PCSK2: variants seen among roughly 807,000 people sequenced by gnomAD.
PCSK2 encodes the protein neuroendocrine convertase 2.
Under a neutral mutation model 69.7 loss-of-function variants are expected in PCSK2, and 14 were observed. That is an observed-to-expected ratio of 0.20 (90% CI 0.13 to 0.31). The LOEUF (loss-of-function observed/expected upper bound fraction) is 0.31, where lower values mean the gene tolerates loss of function less well. Among genes scored for constraint, PCSK2 ranks in the 10% least tolerant of loss-of-function variants. The pLI, the probability that PCSK2 is intolerant of heterozygous loss-of-function variation, is 1.00. For synonymous variants in PCSK2, 307 were observed against 320.7 expected (o/e 0.96, Z 0.46); for missense variants, 544 against 842.5 (o/e 0.65, Z 4.39).
chr20:17,401,472 ACCT>A (rs1423172308), intron 5 of PCSK2, among the ~76,000 whole-genome samples: 4 of 151,934 alleles, frequency 2.6e-5, no homozygotes, highest in African/African-American at 9.7e-5. Flanking sequence ...TGACCTAATT[ACCT>A]CCCAAGGACC....
At chr20:17,436,659 G>A (rs775448413) in intron 7 of PCSK2, 49 bp from the exon 8 acceptor site, 1 of 1,542,510 alleles carries the variant, frequency 6.5e-7, no homozygotes, top group Admixed American at 1.8e-5. Context: ...CTTGTCTCCT[G>A]CGAACTGGGG....
Position 17,367,364 on chromosome 20 carries a change from G to T in PCSK2, c.506-1876G>T, listed in dbSNP as rs146260577. ...TTACTATAAGCTGAAGACTTTCAAT[G>T]AATTGTCTCTAATCTTGAAAACCGC... is the stretch of plus-strand genomic sequence containing the variant. On this transcript the variant is annotated intron_variant, in intron 4 of 11. Transcript: ENST00000262545. Among the ~76,000 whole-genome samples the T allele has an allele frequency of 8.3e-3, 1,268 of 152,322 alleles. 7 individuals carry two copies. The highest frequency in any genetic ancestry group is 0.031 in the Middle Eastern group (9 of 294).
In PCSK2 at chr20:17,475,152, C is replaced by T. The variant is rs185620001; in HGVS notation, c.1431-6432C>T. On this transcript the variant is annotated intron_variant, in intron 11 of 11. Coordinates refer to ENST00000262545, the MANE Select transcript of PCSK2 (RefSeq NM_002594.5). Reference sequence around the variant, plus strand: ...GGTATGTGCATGTGGCCTGACCCACCGGGGGCTTTGGAGCATCAACGCCAC... The same window carrying T: ...GGTATGTGCATGTGGCCTGACCCACTGGGGGCTTTGGAGCATCAACGCCAC... Among the ~76,000 whole-genome samples, 6 of 151,644 alleles carry T rather than the reference C, an allele frequency of 4.0e-5. No homozygotes were observed. In the East Asian group the frequency reaches 9.7e-4, roughly 25 times the overall value.
chr20:17,323,124 C>G (rs1330282335), intron 2 of PCSK2, among the ~76,000 whole-genome samples: 1 of 152,186 alleles, frequency 6.6e-6, no homozygotes, highest in African/African-American at 2.4e-5. Flanking sequence ...CTCAGCCTTC[C>G]AAAATGCTGG....
intron 1 of PCSK2, among the ~76,000 whole-genome samples, chr20:17,259,158 G>A (rs1987284625): frequency 6.6e-6 from 1 of 151,952 alleles, no homozygotes; most frequent in Non-Finnish European, 1.5e-5. Flanking sequence ...ACACTGGATG[G>A]CAACACACAC....
At chr20:17,333,910 CATATATATATATAT>C (rs3076241) in intron 2 of PCSK2, among the ~76,000 whole-genome samples, 35 of 86,420 alleles carry the variant, frequency 4.0e-4, no homozygotes, top group East Asian at 1.3e-3. Flanking sequence ...TAAGTCACTG[CATATATATATATAT>C]ATATATATAT....
At chr20:17,471,061 C>T (rs548473081) in intron 11 of PCSK2, among the ~76,000 whole-genome samples, 66 of 152,246 alleles carry the variant, frequency 4.3e-4, no homozygotes, top group African/African-American at 1.6e-3. Context: ...ACAAGCCAGA[C>T]GGACTTCTAA....
At chr20:17,398,458 A>C (rs1288865916) in intron 5 of PCSK2, among the ~76,000 whole-genome samples, 1 of 136,468 alleles carries the variant, frequency 7.3e-6, no homozygotes, top group East Asian at 2.1e-4. Flanking sequence ...CAGGAGTTGG[A>C]GGCTGCAGTG....
chr20:17,425,882 C>T (rs995721204), intron 6 of PCSK2, among the ~76,000 whole-genome samples: 2 of 152,142 alleles, frequency 1.3e-5, no homozygotes, highest in African/African-American at 4.8e-5. Context: ...AGCATTTACC[C>T]ATCTGCTCAC....
chr20:17,347,841 A>AG (rs1568612071), intron 2 of PCSK2, among the ~76,000 whole-genome samples: 1 of 140,630 alleles, frequency 7.1e-6, no homozygotes, highest in Admixed American at 7.3e-5. Context: ...AGAAAGAAAG[A>AG]AAGAAAGAAA....
chr20:17,374,547 T>G (rs1461574005), intron 5 of PCSK2, among the ~76,000 whole-genome samples: 1 of 152,112 alleles, frequency 6.6e-6, no homozygotes, highest in African/African-American at 2.4e-5. Flanking sequence ...TGTGCTGGGT[T>G]TTCTCAGAAG....
chr20:17,228,621 T>TG (rs1230119228), intron 1 of PCSK2, among the ~76,000 whole-genome samples: 25 of 151,982 alleles, frequency 1.6e-4, no homozygotes, highest in Middle Eastern at 3.2e-3. Flanking sequence ...AGATGAGCGG[T>TG]GGGTGCTTTT....
intron 2 of PCSK2, among the ~76,000 whole-genome samples, chr20:17,276,568 G>A (rs563949440): frequency 2.6e-4 from 39 of 152,014 alleles, no homozygotes; most frequent in South Asian, 2.1e-3. Context: ...ATTATTGTGA[G>A]TCCTTAAGTA....
chr20:17,365,948 T>C (rs1276409300), intron 4 of PCSK2, among the ~76,000 whole-genome samples: 1 of 152,154 alleles, frequency 6.6e-6, no homozygotes, highest in Admixed American at 6.5e-5. Context: ...GTCTCATGCC[T>C]GCCATTCTCC....
chr20:17,456,696 C>T (rs780059554), intron 10 of PCSK2, among the ~76,000 whole-genome samples: 6 of 152,218 alleles, frequency 3.9e-5, no homozygotes, highest in African/African-American at 1.4e-4. Flanking sequence ...CCCAGCAGCA[C>T]GTATTAGCAA....
chr20:17,391,271 C>T (rs902308052), intron 5 of PCSK2, among the ~76,000 whole-genome samples: 2 of 152,150 alleles, frequency 1.3e-5, no homozygotes, highest in African/African-American at 4.8e-5. Flanking sequence ...TGAGAGAATG[C>T]TGAAATATTC....
At chr20:17,376,014 T>C (rs2030915021) in intron 5 of PCSK2, among the ~76,000 whole-genome samples, 1 of 152,210 alleles carries the variant, frequency 6.6e-6, no homozygotes, top group African/African-American at 2.4e-5. Flanking sequence ...AGCCTAGGCC[T>C]TAAGAGGCCT....
intron 5 of PCSK2, among the ~76,000 whole-genome samples, chr20:17,389,284 C>T (rs531368693): frequency 3.2e-4 from 48 of 152,206 alleles, no homozygotes; most frequent in African/African-American, 1.1e-3. Flanking sequence ...ACTGCTGGAC[C>T]TGGATGTGCT....
rs778203328 is a variant in PCSK2 at position 17,482,071 on chromosome 20, C to G, written c.*1C>G. 1 of 1,559,604 alleles carries G rather than the reference C, an allele frequency of 6.4e-7. No homozygotes were observed. Among genetic ancestry groups the G allele is most frequent in the South Asian group, 1.2e-5 (1 of 82,214 alleles). On this transcript the variant is annotated 3_prime_UTR_variant, in exon 12 of 12. Transcript: ENST00000262545. ...GAAAAGCATCCTTAACAAGAACTAG[C>G]GCTGCACATCCGCCTTTCCCACCGC...
Sources: allele counts gnomAD v4.1 joint callset (sites outside exome capture counted in the v4.1 genomes callset), GRCh38; gene constraint gnomAD v4.1.1; transcripts MANE v1.5; gene names NCBI Gene and HGNC (gene_info 2026-07-23, HGNC 2026-07-21).